DPYD: variants seen among roughly 807,000 people sequenced by gnomAD.
DPYD encodes dihydropyrimidine dehydrogenase, also known as dihydropyrimidine dehydrogenase [NADP(+)].
In DPYD, 109 loss-of-function variants were observed where a neutral mutation model predicts 116.2. The ratio of observed to expected loss-of-function variants is 0.94; its 90% CI spans 0.80 to 1.10. The LOEUF is 1.10. DPYD is among the 50% of genes least tolerant of loss of function. The probability of loss-of-function intolerance (pLI) is 0.00; values close to 1 mark genes in which losing one functional copy is unlikely to be tolerated. For missense variants in DPYD, 1,302 were observed against 1,254.5 expected (o/e 1.04, Z -0.57); for synonymous variants, 440 against 432.0 (o/e 1.02, Z -0.23).
At chr1:97,367,100 A>G (rs1314824326) in intron 16 of DPYD, among the ~76,000 whole-genome samples, 1 of 152,090 alleles carries the variant, frequency 6.6e-6, no homozygotes, top group Non-Finnish European at 1.5e-5. Flanking sequence ...CTGAAGGAAG[A>G]CTTTATTTCC....
chr1:97,537,322 C>T lies in DPYD; in HGVS notation c.1524+12238G>A, dbSNP rs982598922. 4.6e-5 allele frequency among the ~76,000 whole-genome samples: 7 copies of T among 152,116 alleles called. 1 individual carries two copies. The highest frequency in any genetic ancestry group is 8.8e-5 in the Non-Finnish European group (6 of 68,008). ...ACAACCCAGCATTGTGGATTCATTT[C>T]AAAAATTACTGCCCCCAACATAAAA... On this transcript the variant is annotated intron_variant, in intron 12 of 22. Transcript: ENST00000370192.
chr1:97,384,779 G>C (rs1672220698), intron 14 of DPYD, among the ~76,000 whole-genome samples: 1 of 152,104 alleles, frequency 6.6e-6, no homozygotes, highest in African/African-American at 2.4e-5. Flanking sequence ...CAAAGCCACT[G>C]AGAAATTCGC....
At chr1:97,855,521 T>C (rs988562131) in intron 2 of DPYD, 1 of 152,162 alleles carries the variant, frequency 6.6e-6, no homozygotes, top group Non-Finnish European at 1.5e-5. Context: ...ACTGGAAATC[T>C]TTAATAAAGC....
intron 8 of DPYD, among the ~76,000 whole-genome samples, chr1:97,601,498 G>A (rs962851455): frequency 2.6e-5 from 4 of 151,954 alleles, no homozygotes; most frequent in African/African-American, 9.7e-5. Flanking sequence ...ATGTATTAGA[G>A]AAGATAAGCT....
At chr1:97,220,549 C>A (rs1660708793) in intron 19 of DPYD, among the ~76,000 whole-genome samples, 2 of 152,104 alleles carry the variant, frequency 1.3e-5, no homozygotes, top group East Asian at 3.9e-4. Context: ...ATCCTTGTAT[C>A]CTTGATGCTT....
At chr1:97,445,658 T>C (rs1676038253) in intron 14 of DPYD, among the ~76,000 whole-genome samples, 1 of 152,174 alleles carries the variant, frequency 6.6e-6, no homozygotes, top group South Asian at 2.1e-4. Context: ...GCCAGAAACC[T>C]GCTTCCTAGC....
chr1:97,290,760 C>G (rs2100982330), intron 18 of DPYD, among the ~76,000 whole-genome samples: 1 of 152,152 alleles, frequency 6.6e-6, no homozygotes, highest in Admixed American at 6.5e-5. Context: ...CATTACCATT[C>G]AGGACATAGG....
chr1:97,248,160 C>T (rs1422891028), intron 18 of DPYD, among the ~76,000 whole-genome samples: 2 of 152,022 alleles, frequency 1.3e-5, no homozygotes, highest in Non-Finnish European at 2.9e-5. Flanking sequence ...TACAGTTTAT[C>T]CCAGGAATAT....
At chr1:97,524,120 C>T (rs1165645816) in intron 12 of DPYD, among the ~76,000 whole-genome samples, 2 of 152,242 alleles carry the variant, frequency 1.3e-5, no homozygotes, top group East Asian at 1.9e-4. Context: ...GTAACAGGCT[C>T]TGTAACGGGG....
At chr1:97,479,730 C>A (rs1678194739) in intron 13 of DPYD, among the ~76,000 whole-genome samples, 1 of 152,128 alleles carries the variant, frequency 6.6e-6, no homozygotes, top group Non-Finnish European at 1.5e-5. Context: ...CAAAGCAAAG[C>A]ACAATGAAAC....
intron 8 of DPYD, among the ~76,000 whole-genome samples, chr1:97,665,138 C>T (rs1180869740): frequency 1.3e-5 from 2 of 152,008 alleles, no homozygotes; most frequent in East Asian, 1.9e-4. Flanking sequence ...AAAAAAGGCA[C>T]AAACATAACA....
intron 3 of DPYD, among the ~76,000 whole-genome samples, chr1:97,750,847 G>A (rs1017785254): frequency 2.0e-5 from 3 of 152,132 alleles, no homozygotes; most frequent in African/African-American, 7.2e-5. Context: ...TGAGGGACTT[G>A]AGTATGTGCA....
intron 1 of DPYD, among the ~76,000 whole-genome samples, chr1:97,887,990 T>C (rs1264469518): frequency 6.6e-6 from 1 of 152,064 alleles, no homozygotes; most frequent in Non-Finnish European, 1.5e-5. Flanking sequence ...TCCCCAGACA[T>C]GCACAACTGT....
At chr1:97,351,748 G>A (rs923392381) in intron 16 of DPYD, among the ~76,000 whole-genome samples, 5 of 152,070 alleles carry the variant, frequency 3.3e-5, no homozygotes, top group East Asian at 3.9e-4. Flanking sequence ...AAAATCAAAC[G>A]TGTTTCAGGA....
At chr1:97,589,291 C>T (rs1388820555) in intron 10 of DPYD, among the ~76,000 whole-genome samples, 1 of 152,170 alleles carries the variant, frequency 6.6e-6, no homozygotes. Context: ...AAGCTTTGTG[C>T]CCCCACTCAA....
chr1:97,339,812 T>TTG, intron 16 of DPYD, among the ~76,000 whole-genome samples: 1 of 152,196 alleles, frequency 6.6e-6, no homozygotes, highest in Non-Finnish European at 1.5e-5. Context: ...AAATTTATGT[T>TTG]TGTGTGTGTG....
intron 20 of DPYD, among the ~76,000 whole-genome samples, chr1:97,177,844 C>A (rs1244245731): frequency 6.6e-6 from 1 of 152,082 alleles, no homozygotes; most frequent in East Asian, 1.9e-4. Context: ...ACATTTATTT[C>A]TCACCATTCT....
intron 2 of DPYD, among the ~76,000 whole-genome samples, chr1:97,830,401 A>T (rs544571654): frequency 3.9e-5 from 6 of 152,122 alleles, no homozygotes; most frequent in Admixed American, 1.3e-4. Context: ...CAGGAGATAA[A>T]CACATTCTTG....
At chr1:97,365,208 C>A (rs932203514) in intron 16 of DPYD, among the ~76,000 whole-genome samples, 2 of 152,210 alleles carry the variant, frequency 1.3e-5, no homozygotes, top group Non-Finnish European at 2.9e-5. Context: ...GCTTCTAATA[C>A]ATGACTCAGT....
Sources: allele counts gnomAD v4.1 joint callset (sites outside exome capture counted in the v4.1 genomes callset), GRCh38; gene constraint gnomAD v4.1.1; transcripts MANE v1.5; gene names NCBI Gene and HGNC (gene_info 2026-07-23, HGNC 2026-07-21).